Variants in SLC7A11 observed in about 807,000 individuals in gnomAD.
SLC7A11 encodes cystine/glutamate transporter.
In SLC7A11, 35 loss-of-function variants were observed where a neutral mutation model predicts 54.5. That is an observed-to-expected ratio of 0.64 (90% CI 0.49 to 0.85). The LOEUF is 0.85. SLC7A11 is among the 40% of genes least tolerant of loss of function. SLC7A11 has a pLI of 0.00. For missense variants in SLC7A11, 583 were observed against 618.1 expected (o/e 0.94, Z 0.60); for synonymous variants, 230 against 225.2 (o/e 1.02, Z -0.19).
intron 3 of SLC7A11, among the ~76,000 whole-genome samples, chr4:138,227,933 T>C (rs1737982134): frequency 6.6e-6 from 1 of 152,210 alleles, no homozygotes; most frequent in South Asian, 2.1e-4. Flanking sequence ...AAGTTACTTA[T>C]GGTAGAAAAG....
chr4:138,202,645 C>T (rs1364652712), intron 6 of SLC7A11, among the ~76,000 whole-genome samples: 3 of 152,052 alleles, frequency 2.0e-5, no homozygotes, highest in East Asian at 1.9e-4. Context: ...ACTAGGTACT[C>T]GTGTGTCATC....
chr4:138,194,836 C>T lies in SLC7A11; in HGVS notation c.792-9592G>A, dbSNP rs117952187. On this transcript the variant is annotated intron_variant, in intron 6 of 11. Coordinates refer to ENST00000280612, the MANE Select transcript of SLC7A11 (RefSeq NM_014331.4). ...TGTTGAATTAATGAAATCTAAAGTT[C>T]GTTTTCTTGAAAGTTCATTATTTAA... is the stretch of plus-strand genomic sequence containing the variant. 3.9e-5 allele frequency among the ~76,000 whole-genome samples: 6 copies of T among 152,204 alleles called. No individual in the cohort carries two copies. The South Asian group carries it at 6.2e-4, about 16-fold the overall frequency.
chr4:138,215,620 G>C (rs564075251), intron 5 of SLC7A11, among the ~76,000 whole-genome samples: 1 of 151,994 alleles, frequency 6.6e-6, no homozygotes, highest in African/African-American at 2.4e-5. Flanking sequence ...TAGAAAATAA[G>C]TTTCTATAAA....
At chr4:138,173,472 T>C (rs968241725) in intron 11 of SLC7A11, among the ~76,000 whole-genome samples, 1 of 151,826 alleles carries the variant, frequency 6.6e-6, no homozygotes, top group Non-Finnish European at 1.5e-5. Context: ...CCATCTCTAC[T>C]AAAAATACAA....
intron 1 of SLC7A11, among the ~76,000 whole-genome samples, chr4:138,237,715 ATATATATATATATATATATATATTTT>A (rs1418421789): frequency 0.043 from 277 of 6,420 alleles, 10 homozygotes; most frequent in African/African-American, 0.11. Context: ...ATATATATAT[ATATATATATATATATATATATATTTT>A]TTTTTTTTTT....
At chr4:138,213,685 A>T (rs1215460389) in intron 6 of SLC7A11, among the ~76,000 whole-genome samples, 1 of 151,924 alleles carries the variant, frequency 6.6e-6, no homozygotes, top group African/African-American at 2.4e-5. Context: ...TTTTTGCCAA[A>T]CTGGATAAAT....
At chr4:138,237,909 G>T (rs1488905233) in intron 1 of SLC7A11, among the ~76,000 whole-genome samples, 2 of 148,996 alleles carry the variant, frequency 1.3e-5, no homozygotes, top group African/African-American at 5.0e-5. Flanking sequence ...CTGCCAGCAC[G>T]CCTGGCTAAT....
chr4:138,178,460 T>C (rs1736637257), intron 11 of SLC7A11, among the ~76,000 whole-genome samples: 1 of 152,144 alleles, frequency 6.6e-6, no homozygotes, highest in Admixed American at 6.6e-5. Context: ...CATGTGTCTT[T>C]ATAGTAGAAT....
At chr4:138,225,597 ACT>A (rs1364575053) in intron 3 of SLC7A11, among the ~76,000 whole-genome samples, 1 of 151,966 alleles carries the variant, frequency 6.6e-6, no homozygotes, top group East Asian at 1.9e-4. Context: ...AGTTAGTGTA[ACT>A]CTGCTCCCTG....
intron 3 of SLC7A11, among the ~76,000 whole-genome samples, chr4:138,224,844 AAG>A (rs1346179285): frequency 2.6e-5 from 4 of 151,272 alleles, no homozygotes. Flanking sequence ...GGAAGGAAGG[AAG>A]GAAGGAAGGA....
chr4:138,220,261 T>C (rs977257718), intron 4 of SLC7A11, among the ~76,000 whole-genome samples: 3 of 152,128 alleles, frequency 2.0e-5, no homozygotes, highest in African/African-American at 7.2e-5. Context: ...ATAGATAAAG[T>C]TTTCTTTATC....
chr4:138,177,970 A>C (rs1736623220), intron 11 of SLC7A11: 1 of 152,080 alleles, frequency 6.6e-6, no homozygotes, highest in Non-Finnish European at 1.5e-5. Flanking sequence ...ACCTATCTTA[A>C]TCCATCCTCA....
chr4:138,192,162 G>A (rs1310988268), intron 6 of SLC7A11, among the ~76,000 whole-genome samples: 2 of 152,122 alleles, frequency 1.3e-5, no homozygotes, highest in Non-Finnish European at 2.9e-5. Context: ...CTCACCAAAA[G>A]TCTGTTTTCT....
In SLC7A11 at chr4:138,165,335, C is replaced by T. The variant is rs1560710787; in HGVS notation, c.*6621G>A. ...AAGCTCTACAAATATTGAGTCAAAT[C>T]CTGTCTGTCAGAAAATGAAGACCCA... On this transcript the variant is annotated 3_prime_UTR_variant, in exon 12 of 12. Coordinates refer to ENST00000280612, the MANE Select transcript of SLC7A11 (RefSeq NM_014331.4). 1 of 152,554 alleles carries T rather than the reference C, an allele frequency of 6.6e-6. No individual in the cohort carries two copies. Among genetic ancestry groups the T allele is most frequent in the Admixed American group, 6.6e-5 (1 of 15,242 alleles). The allele number at this position is 152,554 out of a possible 1,614,324, so 9.5% of individuals were successfully genotyped here.
At position 138,169,965 on chromosome 4, in the gene SLC7A11, A is replaced by G. The variant is rs1736367588; in HGVS notation, c.*1991T>C. ...TGTTTTCAAGAGCAAAATTGAAATT[A>G]CTGAATTGGAAATGCTCCAAATTAT... On this transcript the variant is annotated 3_prime_UTR_variant, in exon 12 of 12. Coordinates refer to ENST00000280612, the MANE Select transcript of SLC7A11 (RefSeq NM_014331.4). 6.6e-6 allele frequency: 1 copy of G among 151,960 alleles called. No homozygotes were observed. The highest frequency in any genetic ancestry group is 1.5e-5 in the Non-Finnish European group (1 of 67,948). 9.4% of individuals were successfully genotyped at this position (151,960 alleles called of 1,614,324 possible).
intron 2 of SLC7A11, among the ~76,000 whole-genome samples, chr4:138,232,873 C>T (rs1198835578): frequency 6.6e-6 from 1 of 152,054 alleles, no homozygotes; most frequent in Non-Finnish European, 1.5e-5. Context: ...AAATATTTGA[C>T]ATTGTTTTAT....
intron 4 of SLC7A11, among the ~76,000 whole-genome samples, chr4:138,219,941 C>CTTTTTT (rs5862370): frequency 7.0e-6 from 1 of 143,510 alleles, no homozygotes; most frequent in African/African-American, 2.6e-5. Flanking sequence ...GCAAGCCTTT[C>CTTTTTT]TTTTTTTATT....
intron 6 of SLC7A11, among the ~76,000 whole-genome samples, chr4:138,206,807 A>G (rs1351993190): frequency 6.6e-6 from 1 of 151,976 alleles, no homozygotes; most frequent in Non-Finnish European, 1.5e-5. Flanking sequence ...TTTTAGAGTG[A>G]ACAAAAGCAA....
At position 138,242,239 on chromosome 4, in the gene SLC7A11, G is replaced by T; in HGVS notation, c.-170C>A. 1.4e-6 allele frequency: 1 copy of T among 710,728 alleles called. No homozygotes were observed. The highest frequency in any genetic ancestry group is 2.3e-6 in the Non-Finnish European group (1 of 435,854). The allele number at this position is 710,728 out of a possible 1,614,324, so 44.0% of individuals were successfully genotyped here. On this transcript the variant is annotated 5_prime_UTR_variant, in exon 1 of 12. Transcript: ENST00000280612. ...AAAGGTGTGCTTTTTCCTTCACAGC[G>T]ATCTAATTACTACTCAGAAACACCT...
Sources: gnomAD v4.1 joint callset for allele counts (sites outside exome capture counted in the v4.1 genomes callset) on GRCh38, gnomAD v4.1.1 for gene constraint, MANE v1.5 for transcripts, NCBI Gene and HGNC (gene_info 2026-07-23, HGNC 2026-07-21) for gene names.